The following CLRN2 variants were observed in gnomAD, a reference collection of about 807,000 sequenced individuals.
CLRN2 encodes clarin 2.
CLRN2 carries 17 observed loss-of-function variants against 20.1 expected under a neutral mutation model. The ratio of observed to expected loss-of-function variants is 0.85; its 90% confidence interval spans 0.58 to 1.27. The LOEUF (loss-of-function observed/expected upper bound fraction) is 1.27, where lower values mean the gene tolerates loss of function less well. Among genes scored for constraint, CLRN2 ranks in the 50% most tolerant of loss-of-function variants. The pLI is 0.00. For missense variants in CLRN2, 288 were observed against 299.5 expected (o/e 0.96, Z 0.28); for synonymous variants, 140 against 126.9 (o/e 1.10, Z -0.70).
intron 1 of CLRN2, among the ~76,000 whole-genome samples, chr4:17,518,258 T>C (rs1003389377): frequency 3.3e-5 from 5 of 152,064 alleles, no homozygotes; most frequent in African/African-American, 1.2e-4. Context: ...ACCAAAGAAC[T>C]ATCCATCGCA....
intron 2 of CLRN2, among the ~76,000 whole-genome samples, chr4:17,526,434 C>T (rs1423519010): frequency 2.0e-5 from 3 of 152,128 alleles, no homozygotes; most frequent in Non-Finnish European, 2.9e-5. Flanking sequence ...GTGACAGGCA[C>T]CTGTAGTCCC....
In CLRN2 at chr4:17,524,693, TCTACTG is replaced by T. The variant is rs557223807; in HGVS notation, c.433+1651_433+1656del. 9.7e-4 allele frequency among the ~76,000 whole-genome samples: 148 copies of T among 151,920 alleles called. 1 individual carries two copies. The highest frequency in any genetic ancestry group is 3.4e-3 in the African/African-American group (142 of 41,410). ...CCTTAGAGAGATAGCACTCTCAGAC[TCTACTG>T]ATGAGAGTATTAGCAACAGGCAAAA... On this transcript the variant is annotated intron_variant, in intron 2 of 2. Transcript: ENST00000511148.
intron 2 of CLRN2, among the ~76,000 whole-genome samples, chr4:17,525,365 G>A (rs951523123): frequency 6.6e-6 from 1 of 152,162 alleles, no homozygotes; most frequent in African/African-American, 2.4e-5. Flanking sequence ...GCCTGGCACG[G>A]TGGCTCACGC....
chr4:17,518,564 C>T (rs1342962095), intron 1 of CLRN2, among the ~76,000 whole-genome samples: 2 of 152,102 alleles, frequency 1.3e-5, no homozygotes, highest in African/African-American at 4.8e-5. Flanking sequence ...AGTTTGAGAC[C>T]AGCCTGGCCA....
At chr4:17,515,619 C>CA in intron 1 of CLRN2, 100 bp downstream of exon 1, 2 of 1,364,198 alleles carry the variant, frequency 1.5e-6, no homozygotes, top group Non-Finnish European at 2.0e-6. Flanking sequence ...GCTGCCTCAA[C>CA]GTCAGGCATA....
chr4:17,519,792 A>G (rs1051684026), intron 1 of CLRN2, among the ~76,000 whole-genome samples: 1 of 152,168 alleles, frequency 6.6e-6, no homozygotes, highest in Non-Finnish European at 1.5e-5. Context: ...AGGCAGAGTC[A>G]CCTCTCAGTG....
chr4:17,518,990 A>G (rs1211435915), intron 1 of CLRN2, among the ~76,000 whole-genome samples: 1 of 152,190 alleles, frequency 6.6e-6, no homozygotes, highest in Non-Finnish European at 1.5e-5. Flanking sequence ...AAAAGCACCT[A>G]ATGTAATAGA....
In CLRN2 at chr4:17,523,402, G is replaced by A. The variant is rs981885461; in HGVS notation, c.433+359G>A. ...GCTAATTTTTTGTATTTTTTATAGAGACAGGTTTCACCATGTTGCCCAGGC... is the reference window on the plus strand; with the variant it reads ...GCTAATTTTTTGTATTTTTTATAGAAACAGGTTTCACCATGTTGCCCAGGC... On this transcript the variant is annotated intron_variant, in intron 2 of 2. Transcript: ENST00000511148. Among the ~76,000 whole-genome samples the A allele has an allele frequency of 9.2e-5, 14 of 151,842 alleles. 1 individual carries two copies. The Middle Eastern group carries it at 0.02, about 221-fold the overall frequency.
chr4:17,519,076 G>A (rs139473065), intron 1 of CLRN2, among the ~76,000 whole-genome samples: 2 of 152,330 alleles, frequency 1.3e-5, no homozygotes, highest in East Asian at 3.9e-4. Flanking sequence ...GCCAGGACCT[G>A]GGTTTGACTT....
Position 17,515,288 on chromosome 4 carries a change from G to T in CLRN2, c.22G>T (p.Ala8Ser). The change falls in exon 1 of 3, where the codon GCG (alanine) becomes TCG (serine). Residue 8 changes from alanine to serine, a missense_variant. Transcript: ENST00000511148. ...TAGCATGCCTGGATGGTTCAAAAAG[G>T]CGTGGTATGGGCTGGCGTCTTTACT... MPGWFKK[A>S]WYGLASLLSF... 1 of 1,613,932 alleles carries T rather than the reference G, an allele frequency of 6.2e-7. No individual in the cohort carries two copies.
intron 1 of CLRN2, among the ~76,000 whole-genome samples, chr4:17,522,564 T>C (rs1711858102): frequency 6.6e-6 from 1 of 152,258 alleles, no homozygotes; most frequent in African/African-American, 2.4e-5. Context: ...CACTGGGGCC[T>C]GTGTGCATCA....
chr4:17,515,362 C>T lies in CLRN2; in HGVS notation c.96C>T (p.His32=), dbSNP rs748155689. 2 of 1,613,898 alleles carry T rather than the reference C, an allele frequency of 1.2e-6. No homozygotes were observed. Among genetic ancestry groups the T allele is most frequent in the African/African-American group, 2.7e-5 (2 of 74,920 alleles). ...TCATCGTTGCCCTGGTAGTGCCCCA[C>T]TGGCTGAGTGGGAAAATCCTTTGTC... is the stretch of plus-strand genomic sequence containing the variant. ...ILIIVALVVP[H]WLSGKILCQT... The change falls in exon 1 of 3, where the codon CAC becomes CAT. Residue 32 remains histidine (H), a synonymous_variant. Coordinates refer to ENST00000511148, the MANE Select transcript of CLRN2 (RefSeq NM_001079827.2).
intron 1 of CLRN2, among the ~76,000 whole-genome samples, chr4:17,519,615 C>CAT (rs10648467): frequency 0.62 from 93,957 of 151,800 alleles, 29,412 homozygotes; most frequent in Middle Eastern, 0.74. Context: ...CACCATGAAT[C>CAT]GTGTTGTCAT....
At chr4:17,523,342 G>T (rs1438405046) in intron 2 of CLRN2, among the ~76,000 whole-genome samples, 1 of 151,784 alleles carries the variant, frequency 6.6e-6, no homozygotes, top group South Asian at 2.1e-4. Context: ...AGGCCCCCAA[G>T]TAGCTGGGAG....
At position 17,517,772 on chromosome 4, in the gene CLRN2, G is replaced by A. The variant is rs531332136; in HGVS notation, c.253+2253G>A. On this transcript the variant is annotated intron_variant, in intron 1 of 2. Transcript: ENST00000511148. Reference sequence around the variant, plus strand: ...GAAGGTTTTGTTTCCTGCTGCCCTGGGGTTGTCTCAGAGGAGGGTCTGTAA... The same window carrying A: ...GAAGGTTTTGTTTCCTGCTGCCCTGAGGTTGTCTCAGAGGAGGGTCTGTAA... Among the ~76,000 whole-genome samples the A allele has an allele frequency of 2.2e-4, 34 of 152,196 alleles. 1 individual carries two copies. Among genetic ancestry groups the A allele is most frequent in the African/African-American group, 8.2e-4 (34 of 41,544 alleles).
chr4:17,519,312 A>G (rs2109001952), intron 1 of CLRN2, among the ~76,000 whole-genome samples: 1 of 152,352 alleles, frequency 6.6e-6, no homozygotes, highest in South Asian at 2.1e-4. Context: ...GGAAACAACT[A>G]TATCTATTCA....
At chr4:17,524,682 C>T (rs1310148932) in intron 2 of CLRN2, among the ~76,000 whole-genome samples, 1 of 151,852 alleles carries the variant, frequency 6.6e-6, no homozygotes, top group African/African-American at 2.4e-5. Flanking sequence ...AGAGAGATAG[C>T]ACTCTCAGAC....
chr4:17,523,478 G>T (rs1343754010), intron 2 of CLRN2, among the ~76,000 whole-genome samples: 2 of 152,084 alleles, frequency 1.3e-5, no homozygotes, highest in Admixed American at 1.3e-4. Flanking sequence ...GCCTCCCAAA[G>T]TGCTCAAGAA....
chr4:17,515,446 C>T lies in CLRN2; in HGVS notation c.180C>T (p.Asp60=), dbSNP rs1485336922. 2 of 1,613,798 alleles carry T rather than the reference C, an allele frequency of 1.2e-6. No individual in the cohort carries two copies. The highest frequency in any genetic ancestry group is 1.3e-5 in the African/African-American group (1 of 74,878). ...TDRELVKFIG[D]IYYGLFRGCK... is the part of the protein sequence containing the mutation. ...GAGAGCTGGTCAAGTTCATTGGGGA[C>T]ATTTACTACGGGCTCTTCCGAGGGT... Residue 60 remains aspartate, a synonymous_variant, in exon 1 of 3, where the codon GAC becomes GAT. Coordinates refer to ENST00000511148, the MANE Select transcript of CLRN2 (RefSeq NM_001079827.2).
Sources: gnomAD v4.1 joint callset for allele counts (sites outside exome capture counted in the v4.1 genomes callset) on GRCh38, gnomAD v4.1.1 for gene constraint, MANE v1.5 for transcripts, NCBI Gene and HGNC (gene_info 2026-07-23, HGNC 2026-07-21) for gene names.